TMEM242: variants seen among roughly 807,000 people sequenced by gnomAD.
TMEM242 encodes transmembrane protein 242, also known as UPF0463 transmembrane protein C6orf35.
TMEM242 carries 10 observed loss-of-function variants against 18.2 expected under a neutral mutation model. The observed-to-expected ratio is 0.55, with a 90% CI of 0.34 to 0.93. TMEM242 has a LOEUF of 0.93. TMEM242 is among the 40% of genes least tolerant of loss of function. TMEM242 has a pLI of 0.02. For missense variants in TMEM242, 186 were observed against 175.5 expected (o/e 1.06, Z -0.34); for synonymous variants, 57 against 69.9 (o/e 0.81, Z 0.92).
At chr6:157,313,599 C>G (rs1477685028) in intron 3 of TMEM242, among the ~76,000 whole-genome samples, 1 of 150,770 alleles carries the variant, frequency 6.6e-6, no homozygotes. Flanking sequence ...GCTCACCTAA[C>G]CCCATCATAG....
chr6:157,322,474 G>A (rs1778511857), intron 2 of TMEM242, among the ~76,000 whole-genome samples: 2 of 152,164 alleles, frequency 1.3e-5, no homozygotes, highest in African/African-American at 2.4e-5. Context: ...AAATGTACCA[G>A]ATAAGCTTTC....
At chr6:157,312,546 C>A (rs1778197317) in intron 3 of TMEM242, among the ~76,000 whole-genome samples, 1 of 149,350 alleles carries the variant, frequency 6.7e-6, no homozygotes, top group South Asian at 2.1e-4. Context: ...ACTCAGCTAG[C>A]CTCATCATAG....
At chr6:157,312,086 GT>G (rs1562384119) in intron 3 of TMEM242, among the ~76,000 whole-genome samples, 9 of 92,656 alleles carry the variant, frequency 9.7e-5, no homozygotes, top group Non-Finnish European at 1.3e-4. Context: ...CCTCAACATA[GT>G]GCCCTAGTGT....
chr6:157,300,817 C>T (rs1777820325), intron 3 of TMEM242, among the ~76,000 whole-genome samples: 1 of 152,176 alleles, frequency 6.6e-6, no homozygotes, highest in Non-Finnish European at 1.5e-5. Flanking sequence ...CGAAGAAAAA[C>T]GACTTCTCAG....
chr6:157,312,867 C>T (rs1554249466), intron 3 of TMEM242, among the ~76,000 whole-genome samples: 1 of 151,002 alleles, frequency 6.6e-6, no homozygotes, highest in Non-Finnish European at 1.5e-5. Context: ...TCATAGTGTC[C>T]CAGTGTGCAC....
chr6:157,313,103 T>C (rs1480903350), intron 3 of TMEM242, among the ~76,000 whole-genome samples: 170 of 1,196 alleles, frequency 0.14, no homozygotes, highest in African/African-American at 0.19. Context: ...CATCAAAGTG[T>C]CCCAGTGTGT....
chr6:157,302,409 A>T (rs587617311), intron 3 of TMEM242, among the ~76,000 whole-genome samples: 1 of 152,352 alleles, frequency 6.6e-6, no homozygotes, highest in South Asian at 2.1e-4. Flanking sequence ...ATTCAAGGAC[A>T]TAAAGACTCT....
At chr6:157,294,419 C>T (rs1356362106) in intron 3 of TMEM242, among the ~76,000 whole-genome samples, 5 of 139,894 alleles carry the variant, frequency 3.6e-5, no homozygotes, top group East Asian at 4.2e-4. Flanking sequence ...GGCGGGATCT[C>T]GGCTCACTGC....
rs200812967 is a variant in TMEM242, at chr6:157,313,240, C to T, written c.327+5542G>A. Among the ~76,000 whole-genome samples the T allele has an allele frequency of 4.1e-3, 104 of 25,420 alleles. 2 individuals carry two copies. The highest frequency in any genetic ancestry group is 0.042 in the Middle Eastern group (1 of 24). 16.7% of individuals were successfully genotyped at this position (25,420 alleles called of 152,430 possible). A position where few individuals can be genotyped will look rare whatever the true frequency, so the allele number is the denominator to read the frequency against. ...CCCTCACCTGGCCTCATCATAGTGT[C>T]GCAGAGTGTGCTCACCTGGCCTCAT... On this transcript the variant is annotated intron_variant, in intron 3 of 3. Transcript: ENST00000400788.
chr6:157,301,128 T>A (rs1391600029), intron 3 of TMEM242, among the ~76,000 whole-genome samples: 1 of 152,188 alleles, frequency 6.6e-6, no homozygotes, highest in African/African-American at 2.4e-5. Context: ...TCTCCTCACT[T>A]ATAAACAGCA....
At chr6:157,300,255 C>T (rs1216314348) in intron 3 of TMEM242, 1 of 351,062 alleles carries the variant, frequency 2.8e-6, no homozygotes, top group Admixed American at 4.2e-5. Flanking sequence ...GCCCCCTGGC[C>T]CTCTACTGCG....
At chr6:157,318,569 AAT>A in intron 3 of TMEM242, 1 of 544,252 alleles carries the variant, frequency 1.8e-6, no homozygotes, top group Non-Finnish European at 3.2e-6. Flanking sequence ...GTCATTACTT[AAT>A]TATATTTGAA....
At chr6:157,301,353 T>C (rs977650927) in intron 3 of TMEM242, among the ~76,000 whole-genome samples, 5 of 152,076 alleles carry the variant, frequency 3.3e-5, no homozygotes, top group African/African-American at 9.7e-5. Context: ...AGTCTTGCTC[T>C]GTTGCCCAGG....
At chr6:157,299,877 T>A (rs1327302616) in intron 3 of TMEM242, 1 of 1,613,098 alleles carries the variant, frequency 6.2e-7, no homozygotes, top group East Asian at 2.2e-5. Context: ...AGTTCATCAC[T>A]CAAGCCTTTT....
At chr6:157,312,295 C>A (rs1554249201) in intron 3 of TMEM242, among the ~76,000 whole-genome samples, 1 of 151,560 alleles carries the variant, frequency 6.6e-6, no homozygotes. Flanking sequence ...ACATAGTGCC[C>A]CAGTGTGCGT....
chr6:157,298,839 A>G (rs1410326192), intron 3 of TMEM242, among the ~76,000 whole-genome samples: 2 of 152,236 alleles, frequency 1.3e-5, no homozygotes, highest in Non-Finnish European at 2.9e-5. Flanking sequence ...GGGGTACCAA[A>G]AACACTTTCT....
chr6:157,322,862 T>C (rs1401708746), intron 1 of TMEM242, 57 bp from the exon 2 acceptor site: 11 of 1,433,300 alleles, frequency 7.7e-6, no homozygotes, highest in Non-Finnish European at 1.1e-5. Flanking sequence ...TAAAAAGAGG[T>C]TAAAAAGATG....
At position 157,289,052 on chromosome 6, in the gene TMEM242, C is replaced by CGT; in HGVS notation, c.*3848_*3849insAC. Among the ~76,000 whole-genome samples the CGT allele has an allele frequency of 4.7e-5, 1 of 21,312 alleles. No homozygotes were observed. The highest frequency in any genetic ancestry group is 3.0e-3 in the South Asian group (1 of 336). 14.0% of individuals were successfully genotyped at this position (21,312 alleles called of 152,430 possible). A position where few individuals can be genotyped will look rare whatever the true frequency, so the allele number is the denominator to read the frequency against. On this transcript the variant is annotated 3_prime_UTR_variant, in exon 4 of 4. Coordinates refer to ENST00000400788, the MANE Select transcript of TMEM242 (RefSeq NM_018452.6). Reference sequence around the variant, plus strand: ...TCTTTAAGTACATTTAATACATTCACCTTTTTTTTTTTTTAAAGTAAGGGA... The same window carrying CGT: ...TCTTTAAGTACATTTAATACATTCACGTCTTTTTTTTTTTTTAAAGTAAGGGA...
chr6:157,310,218 G>A (rs782068486), intron 3 of TMEM242, among the ~76,000 whole-genome samples: 1 of 152,194 alleles, frequency 6.6e-6, no homozygotes, highest in Admixed American at 6.5e-5. Flanking sequence ...TGAGTCACAT[G>A]TAAATAACCA....
Sources: allele counts gnomAD v4.1 joint callset (sites outside exome capture counted in the v4.1 genomes callset), GRCh38; gene constraint gnomAD v4.1.1; transcripts MANE v1.5; gene names NCBI Gene and HGNC (gene_info 2026-07-23, HGNC 2026-07-21).